The following NPEPPS variants were observed in gnomAD, a reference collection of about 807,000 sequenced individuals.
The protein encoded by NPEPPS is puromycin-sensitive aminopeptidase.
A neutral mutation model predicts 115.5 loss-of-function variants in NPEPPS; 14 were observed. The observed-to-expected ratio is 0.12, with a 90% CI of 0.08 to 0.19. NPEPPS has a LOEUF of 0.19. Among genes scored for constraint, NPEPPS ranks in the 10% least tolerant of loss-of-function variants. The pLI, the probability that NPEPPS is intolerant of heterozygous loss-of-function variation, is 1.00. For synonymous variants in NPEPPS, 285 were observed against 390.6 expected (o/e 0.73, Z 3.19); for missense variants, 523 against 1,110.8 (o/e 0.47, Z 7.52).
chr17:47,556,143 A>G (rs968380871), intron 2 of NPEPPS, among the ~76,000 whole-genome samples: 5 of 141,630 alleles, frequency 3.5e-5, no homozygotes, highest in Admixed American at 7.3e-5. Flanking sequence ...TGGCAGGGTC[A>G]TAGGACAATA....
chr17:47,575,104 A>T (rs2143819993), intron 3 of NPEPPS, among the ~76,000 whole-genome samples: 1 of 152,388 alleles, frequency 6.6e-6, no homozygotes, highest in African/African-American at 2.4e-5. Context: ...TCAAAAACAT[A>T]GTACATTTAC....
chr17:47,575,925 T>G (rs8077106), intron 3 of NPEPPS, among the ~76,000 whole-genome samples: 77,486 of 151,868 alleles, frequency 0.51, 20,296 homozygotes, highest in East Asian at 0.66. Flanking sequence ...TTGAATTATT[T>G]AATATCTGTT....
chr17:47,577,644 AC>A, intron 3 of NPEPPS, among the ~76,000 whole-genome samples: 1 of 152,314 alleles, frequency 6.6e-6, no homozygotes, highest in Admixed American at 6.5e-5. Context: ...AATAAACATC[AC>A]AAATGTCTTC....
chr17:47,613,515 C>T (rs1447368330), intron 18 of NPEPPS, among the ~76,000 whole-genome samples, 154 bp from the exon 19 acceptor site: 1 of 152,082 alleles, frequency 6.6e-6, no homozygotes, highest in Non-Finnish European at 1.5e-5. Flanking sequence ...GATCCGCCTG[C>T]CTCGGCCTCC....
chr17:47,591,061 TA>T (rs913316799), intron 10 of NPEPPS, among the ~76,000 whole-genome samples, 180 bp downstream of exon 10: 9 of 152,188 alleles, frequency 5.9e-5, no homozygotes, highest in African/African-American at 1.9e-4. Context: ...CATTTCTTTT[TA>T]AGGTAGGCAG....
chr17:47,603,922 T>C lies in NPEPPS; in HGVS notation c.1748T>C (p.Leu583Ser), dbSNP rs1317324291. 6.2e-7 allele frequency: 1 copy of C among 1,609,140 alleles called. No individual in the cohort carries two copies. The highest frequency in any genetic ancestry group is 1.1e-5 in the South Asian group (1 of 90,262). ...VKPDQWVKLN[L>S]GTVGFYRTQY... The stretch of plus-strand genomic sequence containing the variant: ...TACTGGATATCTTTGCAGTTAAACT[T>C]AGGAACAGTTGGGTTTTATCGGACC... The change falls in exon 16 of 23, where the codon TTA (leucine) becomes TCA (serine). Residue 583 changes from leucine (L) to serine (S), a missense_variant. Coordinates refer to ENST00000322157, the MANE Select transcript of NPEPPS (RefSeq NM_006310.4).
At chr17:47,528,961 C>T (rs528080249), upstream of NPEPPS, among the ~76,000 whole-genome samples, 299 of 152,000 alleles carry the variant, frequency 2.0e-3, no homozygotes, top group Non-Finnish European at 2.0e-3. Flanking sequence ...ATATTGATTA[C>T]ATGTTGAAAT....
chr17:47,547,811 G>A (rs1170364905), intron 2 of NPEPPS, among the ~76,000 whole-genome samples: 1 of 152,132 alleles, frequency 6.6e-6, no homozygotes, highest in Non-Finnish European at 1.5e-5. Flanking sequence ...TGGATCACAA[G>A]GTCAGGAGAT....
intron 3 of NPEPPS, among the ~76,000 whole-genome samples, chr17:47,573,495 A>G (rs1480181723): frequency 6.6e-6 from 1 of 152,242 alleles, no homozygotes; most frequent in South Asian, 2.1e-4. Context: ...TGTAAAAGAT[A>G]TTGGAGTGGG....
rs763490856 is a variant in NPEPPS at position 47,596,146 on chromosome 17, G to A, written c.1427-207G>A. 7.0e-6 allele frequency: 3 copies of A among 431,586 alleles called. No individual in the cohort carries two copies. The South Asian group carries it at 7.7e-5, about 11-fold the overall frequency. The allele number at this position is 431,586 out of a possible 1,614,324, so 26.7% of individuals were successfully genotyped here. A position where few individuals can be genotyped will look rare whatever the true frequency, so the allele number is the denominator to read the frequency against. ...CTAGCCTGGGTGATGAAGTAAGACC[G>A]TATCTCAAAAAATACCAGTTTTTAT... On this transcript the variant is annotated intron_variant, in intron 12 of 22. Transcript: ENST00000322157.
At position 47,535,199 on chromosome 17, in the gene NPEPPS, C is replaced by T. The variant is rs1334591200; in HGVS notation, c.255+3644C>T. 9.6e-5 allele frequency among the ~76,000 whole-genome samples: 12 copies of T among 125,102 alleles called. No individual in the cohort carries two copies. In the South Asian group the frequency reaches 1.3e-3, roughly 14 times the overall value. The allele number at this position is 125,102 out of a possible 152,430, so 82.1% of individuals were successfully genotyped here. A position where few individuals can be genotyped will look rare whatever the true frequency, so the allele number is the denominator to read the frequency against. ...CGGAGCTTGCAGTGAGCTGAGATTG[C>T]GCCACTGCACTCCAGCCTGGGCAAC... On this transcript the variant is annotated intron_variant, in intron 1 of 22. Transcript: ENST00000322157.
At chr17:47,538,181 C>CCG (rs1387939862) in intron 1 of NPEPPS, among the ~76,000 whole-genome samples, 2 of 144,156 alleles carry the variant, frequency 1.4e-5, no homozygotes, top group Non-Finnish European at 3.0e-5. Context: ...GTGTGAGCCA[C>CCG]CGCGCCTAGC....
At chr17:47,619,816 C>T in intron 22 of NPEPPS, 32 bp downstream of exon 22, 1 of 1,519,632 alleles carries the variant, frequency 6.6e-7, no homozygotes, top group Non-Finnish European at 9.1e-7. Context: ...CTTCACTTTT[C>T]AGTCTAGTAA....
At chr17:47,607,305 A>G (rs993440797) in intron 17 of NPEPPS, among the ~76,000 whole-genome samples, 1 of 152,200 alleles carries the variant, frequency 6.6e-6, no homozygotes, top group Non-Finnish European at 1.5e-5. Flanking sequence ...AAACTGAGAC[A>G]TGGAGAGAGT....
At chr17:47,556,986 C>CT (rs1191065472) in intron 2 of NPEPPS, among the ~76,000 whole-genome samples, 2 of 152,142 alleles carry the variant, frequency 1.3e-5, no homozygotes, top group Non-Finnish European at 2.9e-5. Flanking sequence ...AGTTTTCTTG[C>CT]TTTTTTTCTC....
intron 15 of NPEPPS, among the ~76,000 whole-genome samples, chr17:47,602,424 G>C (rs1481887834): frequency 6.6e-6 from 1 of 151,962 alleles, no homozygotes; most frequent in Non-Finnish European, 1.5e-5. Flanking sequence ...CACAAGGTCA[G>C]GAGTTCAAGA....
chr17:47,593,067 A>G (rs939007494), intron 12 of NPEPPS, among the ~76,000 whole-genome samples: 1 of 152,228 alleles, frequency 6.6e-6, no homozygotes, highest in African/African-American at 2.4e-5. Flanking sequence ...TATTCCAATT[A>G]TAGATGCTCA....
At chr17:47,615,472 G>A (rs1023614389) in intron 19 of NPEPPS, among the ~76,000 whole-genome samples, 5 of 152,202 alleles carry the variant, frequency 3.3e-5, no homozygotes, top group East Asian at 1.9e-4. Flanking sequence ...CAGGAGGAGC[G>A]CTTGAGCCCA....
chr17:47,590,895 T>C lies in NPEPPS; in HGVS notation c.1260+14T>C. ...CATCCTATTGAAGTGAGCCATACTT[T>C]CTAACCATTAGCCTATGACTGCTCT... On this transcript the variant is annotated intron_variant, in intron 10 of 22. Transcript: ENST00000322157. 6.5e-7 allele frequency: 1 copy of C among 1,532,664 alleles called. No homozygotes were observed. The highest frequency in any genetic ancestry group is 8.8e-7 in the Non-Finnish European group (1 of 1,137,078). The allele number at this position is 1,532,664 out of a possible 1,614,324, so 94.9% of individuals were successfully genotyped here.
Sources: allele counts gnomAD v4.1 joint callset (sites outside exome capture counted in the v4.1 genomes callset), GRCh38; gene constraint gnomAD v4.1.1; transcripts MANE v1.5; gene names NCBI Gene and HGNC (gene_info 2026-07-23, HGNC 2026-07-21).